ANO1: variants seen among roughly 807,000 people sequenced by gnomAD.
ANO1 encodes the protein anoctamin 1, also known as anoctamin-1.
In ANO1, 59 loss-of-function variants were observed where a neutral mutation model predicts 124.0. The observed-to-expected ratio is 0.48, with a 90% CI of 0.39 to 0.59. The LOEUF is 0.59. ANO1 is among the 20% of genes least tolerant of loss of function. The pLI is 0.00. For missense variants in ANO1, 1,059 were observed against 1,328.0 expected, an observed-to-expected ratio of 0.80 and a Z score of 3.15; for synonymous variants, 529 against 532.0, an observed-to-expected ratio of 0.99 and a Z score of 0.08.
chr11:70,093,879 C>T (rs1450812016), intron 2 of ANO1, among the ~76,000 whole-genome samples: 1 of 152,270 alleles, frequency 6.6e-6, no homozygotes, highest in African/African-American at 2.4e-5. Context: ...AGTGCGGGTT[C>T]AGACCCCGCC....
intron 1 of ANO1, among the ~76,000 whole-genome samples, chr11:70,034,456 G>A (rs780440390): frequency 5.3e-5 from 8 of 152,172 alleles, no homozygotes; most frequent in South Asian, 2.1e-4. Flanking sequence ...ATACCACCAT[G>A]CCAGGAGAGG....
intron 1 of ANO1, among the ~76,000 whole-genome samples, chr11:69,988,213 G>A (rs1856086311): frequency 6.6e-6 from 1 of 152,208 alleles, no homozygotes; most frequent in Non-Finnish European, 1.5e-5. Flanking sequence ...CACAGAGTTG[G>A]AGAACAGAAA....
intron 6 of ANO1, among the ~76,000 whole-genome samples, chr11:70,108,674 C>T (rs372786273): frequency 2.3e-4 from 35 of 152,294 alleles, no homozygotes; most frequent in Admixed American, 6.5e-4. Flanking sequence ...GGTGGTAAAT[C>T]CAGGCTGGAA....
intron 1 of ANO1, among the ~76,000 whole-genome samples, chr11:70,034,304 T>C (rs1324173909): frequency 6.6e-6 from 1 of 151,170 alleles, no homozygotes. Flanking sequence ...GTCTCAGGAG[T>C]CTGCAGGACA....
At chr11:70,006,219 A>C (rs782698942) in intron 1 of ANO1, among the ~76,000 whole-genome samples, 3 of 152,216 alleles carry the variant, frequency 2.0e-5, no homozygotes, top group Non-Finnish European at 4.4e-5. Context: ...AGCAGGAACT[A>C]GTCCAGGACT....
chr11:69,972,110 C>T, the ANO1 span, among the ~76,000 whole-genome samples: 2 of 148,440 alleles, frequency 1.3e-5, no homozygotes, highest in Non-Finnish European at 3.0e-5. Flanking sequence ...TCGCTTGAAC[C>T]CAGGAGGCAG....
At chr11:69,968,042 TG>T in the ANO1 span, among the ~76,000 whole-genome samples, 1 of 151,980 alleles carries the variant, frequency 6.6e-6, no homozygotes, top group Non-Finnish European at 1.5e-5. Flanking sequence ...GCATCAGGGG[TG>T]GGCAGGGAGA....
intron 1 of ANO1, among the ~76,000 whole-genome samples, chr11:70,084,657 G>A (rs1391386120): frequency 1.3e-5 from 2 of 152,178 alleles, no homozygotes; most frequent in Non-Finnish European, 2.9e-5. Context: ...CCCTGTCCTG[G>A]GCTGGCCTCA....
intron 11 of ANO1, among the ~76,000 whole-genome samples, chr11:70,135,485 C>T (rs7947793): frequency 6.6e-6 from 1 of 151,942 alleles, no homozygotes; most frequent in Non-Finnish European, 1.5e-5. Flanking sequence ...GTCCTTCCAC[C>T]CCACGCTCTG....
chr11:70,177,037 G>A lies in ANO1; in HGVS notation c.2351-2967G>A, dbSNP rs1007058400. Among the ~76,000 whole-genome samples, 8 of 152,120 alleles carry A rather than the reference G, an allele frequency of 5.3e-5. No individual in the cohort carries two copies. In the East Asian group the frequency reaches 5.8e-4, roughly 11 times the overall value. ...GTCAGGACAGGCTCCATCGGGGCCCGGAAGCGAGGAAGACCCCGCTCCCGG... is the reference window on the plus strand; with the variant it reads ...GTCAGGACAGGCTCCATCGGGGCCCAGAAGCGAGGAAGACCCCGCTCCCGG... On this transcript the variant is annotated intron_variant, in intron 22 of 25. Coordinates refer to ENST00000355303, the MANE Select transcript of ANO1 (RefSeq NM_018043.7).
chr11:70,125,654 C>A, intron 9 of ANO1, among the ~76,000 whole-genome samples: 1 of 151,408 alleles, frequency 6.6e-6, no homozygotes, highest in Non-Finnish European at 1.5e-5. Flanking sequence ...ACCATCCTGG[C>A]TAACACGGCG....
intron 1 of ANO1, among the ~76,000 whole-genome samples, chr11:70,061,581 C>T (rs7934402): frequency 0.089 from 13,424 of 151,510 alleles, 727 homozygotes; most frequent in African/African-American, 0.15. Flanking sequence ...TCTTAGCCCT[C>T]AAGTCCTGTC....
At chr11:70,093,623 A>G (rs779654170) in intron 2 of ANO1, among the ~76,000 whole-genome samples, 5 of 152,160 alleles carry the variant, frequency 3.3e-5, no homozygotes, top group African/African-American at 4.8e-5. Flanking sequence ...TTGGAACCCT[A>G]TAAAAGTCTG....
intron 1 of ANO1, among the ~76,000 whole-genome samples, chr11:70,063,133 A>G (rs12287083): frequency 0.085 from 12,904 of 152,076 alleles, 777 homozygotes; most frequent in African/African-American, 0.14. Context: ...GTTTCACCAT[A>G]TTGGCCAGGC....
intron 19 of ANO1, among the ~76,000 whole-genome samples, chr11:70,164,970 C>CTGCCGCAACTCGA (rs1305989612): frequency 6.6e-6 from 1 of 152,184 alleles, no homozygotes; most frequent in Admixed American, 6.5e-5. Flanking sequence ...TTTCCTGGGG[C>CTGCCGCAACTCGA]TGCCGCAACT....
rs1436847042 is a variant in ANO1, at chr11:70,119,582, T to C, written c.897+3083T>C. Among the ~76,000 whole-genome samples the C allele has an allele frequency of 4.8e-5, 7 of 145,674 alleles. No individual in the cohort carries two copies. The East Asian group carries it at 1.5e-3, about 31-fold the overall frequency. On this transcript the variant is annotated intron_variant, in intron 8 of 25. Coordinates refer to ENST00000355303, the MANE Select transcript of ANO1 (RefSeq NM_018043.7). ...GAATGAATGATGGTTGATGGGTAGA[T>C]GGGTGGCTGATGGAAAGATGAATGA...
chr11:70,107,490 C>CGGGG (rs1432604573), intron 5 of ANO1, among the ~76,000 whole-genome samples: 2 of 64,544 alleles, frequency 3.1e-5, no homozygotes, highest in African/African-American at 6.1e-5. Flanking sequence ...CCAGTGGAGG[C>CGGGG]GGCGGGGCGG....
At chr11:70,056,589 G>A (rs76916947) in intron 1 of ANO1, 13 of 152,134 alleles carry the variant, frequency 8.5e-5, no homozygotes, top group African/African-American at 2.7e-4. Flanking sequence ...GATTGAAAAG[G>A]AAAAAATAAA....
chr11:70,124,534 G>A (rs2046415349), intron 9 of ANO1, 120 bp downstream of exon 9: 2 of 1,003,220 alleles, frequency 2.0e-6, no homozygotes, highest in African/African-American at 3.2e-5. Context: ...TGAACTCAAA[G>A]AGCTTGTGTA....
Sources: gnomAD v4.1 joint callset for allele counts (sites outside exome capture counted in the v4.1 genomes callset) on GRCh38, gnomAD v4.1.1 for gene constraint, MANE v1.5 for transcripts, NCBI Gene and HGNC (gene_info 2026-07-23, HGNC 2026-07-21) for gene names.